Variants in PHYH observed in about 807,000 individuals in gnomAD.
PHYH encodes the protein phytanoyl-CoA 2-hydroxylase, also known as phytanoyl-CoA dioxygenase, peroxisomal.
PHYH carries 32 observed loss-of-function variants against 38.5 expected under a neutral mutation model. The observed-to-expected ratio is 0.83, with a 90% CI of 0.63 to 1.12. The LOEUF is 1.12. Among genes scored for constraint, PHYH ranks in the 50% most tolerant of loss-of-function variants. PHYH has a pLI of 0.00. For missense variants in PHYH, 426 were observed against 434.8 expected (o/e 0.98, Z 0.18); for synonymous variants, 166 against 157.9 (o/e 1.05, Z -0.38).
chr10:13,295,713 A>C (rs997621614), intron 2 of PHYH, 107 bp from the exon 3 acceptor site: 7 of 685,800 alleles, frequency 1.0e-5, no homozygotes, highest in Non-Finnish European at 1.6e-5. Context: ...AGGCAAGTGG[A>C]TCACTTGAGG....
chr10:13,297,439 C>T (rs1292911607), intron 2 of PHYH, among the ~76,000 whole-genome samples: 8 of 148,672 alleles, frequency 5.4e-5, no homozygotes, highest in African/African-American at 2.0e-4. Flanking sequence ...TAACCAAATA[C>T]AAGCTAATTT....
chr10:13,289,456 A>G (rs1443095146), intron 5 of PHYH, among the ~76,000 whole-genome samples: 1 of 151,988 alleles, frequency 6.6e-6, no homozygotes, highest in Non-Finnish European at 1.5e-5. Context: ...CGGCCTCCCA[A>G]AGTGCTGGGA....
At chr10:13,289,381 G>A (rs951972498) in intron 5 of PHYH, among the ~76,000 whole-genome samples, 1 of 151,816 alleles carries the variant, frequency 6.6e-6, no homozygotes, top group Non-Finnish European at 1.5e-5. Context: ...ATTTTTAGTA[G>A]AGACGGGGTT....
At chr10:13,282,818 AC>A (rs1373094356) in intron 7 of PHYH, among the ~76,000 whole-genome samples, 4 of 152,044 alleles carry the variant, frequency 2.6e-5, no homozygotes, top group African/African-American at 9.7e-5. Context: ...TTAAAATGTT[AC>A]TAAACTCGAT....
chr10:13,299,850 G>T lies in PHYH; in HGVS notation c.75+118C>A, dbSNP rs938593173. Reference sequence around the variant, plus strand: ...CAGGCGGGGACGCGGCGCTGAGCGAGGAGGCGCTGGGGCTGCGAAGCGTGC... The same window carrying T: ...CAGGCGGGGACGCGGCGCTGAGCGATGAGGCGCTGGGGCTGCGAAGCGTGC... On this transcript the variant is annotated intron_variant, in intron 1 of 8. Coordinates refer to ENST00000263038, the MANE Select transcript of PHYH (RefSeq NM_006214.4). 7 of 1,331,736 alleles carry T rather than the reference G, an allele frequency of 5.3e-6. No homozygotes were observed. The African/African-American group carries it at 7.8e-5, about 15-fold the overall frequency. The allele number at this position is 1,331,736 out of a possible 1,614,324, so 82.5% of individuals were successfully genotyped here.
At chr10:13,289,258 C>CAT (rs2131641994) in intron 5 of PHYH, among the ~76,000 whole-genome samples, 2 of 152,260 alleles carry the variant, frequency 1.3e-5, no homozygotes, top group East Asian at 3.9e-4. Context: ...TGCAGTGACG[C>CAT]GATCTCGGCT....
chr10:13,298,926 AAT>A lies in PHYH; in HGVS notation c.76-683_76-682del, dbSNP rs1832659101. ...CAGAGCAAGACTCCGTCTCAAAAAT[AAT>A]AATAATAATAATAATAATAATAATA... On this transcript the variant is annotated intron_variant, in intron 1 of 8. Transcript: ENST00000263038. Among the ~76,000 whole-genome samples the A allele has an allele frequency of 5.1e-3, 49 of 9,532 alleles. 2 individuals are homozygous for A. The South Asian group carries it at 0.26, about 51-fold the overall frequency. The allele number at this position is 9,532 out of a possible 152,430, so 6.3% of individuals were successfully genotyped here. A position where few individuals can be genotyped will look rare whatever the true frequency, so the allele number is the denominator to read the frequency against.
At chr10:13,288,652 G>T in intron 5 of PHYH, 111 bp from the exon 6 acceptor site, 2 of 1,042,100 alleles carry the variant, frequency 1.9e-6, no homozygotes, top group Non-Finnish European at 3.0e-6. Context: ...GGAGGCTGAG[G>T]CAGATGGATG....
In PHYH at chr10:13,277,982, ACTT is replaced by A; in HGVS notation, c.*316_*318del. Reference sequence around the variant, plus strand: ...ACATACCCTAAGCTCCAAATCATTCACTTCTTCTTGGGTAAAGAGCTAACTGAA... The same window carrying A: ...ACATACCCTAAGCTCCAAATCATTCACTTCTTGGGTAAAGAGCTAACTGAA... On this transcript the variant is annotated 3_prime_UTR_variant, in exon 9 of 9. Transcript: ENST00000263038. 1 of 363,878 alleles carries A rather than the reference ACTT, an allele frequency of 2.7e-6. No homozygotes were observed. Among genetic ancestry groups the A allele is most frequent in the South Asian group, 2.4e-5 (1 of 41,820 alleles). 22.5% of individuals were successfully genotyped at this position (363,878 alleles called of 1,614,324 possible).
chr10:13,278,848 G>A (rs4750340), intron 8 of PHYH, among the ~76,000 whole-genome samples: 52,909 of 151,954 alleles, frequency 0.35, 11,123 homozygotes, highest in Admixed American at 0.51. Flanking sequence ...CTACTTAACC[G>A]ACTTCTAAAA....
intron 3 of PHYH, chr10:13,295,213 C>T (rs553202652): frequency 4.9e-6 from 2 of 409,300 alleles, no homozygotes; most frequent in Non-Finnish European, 9.0e-6. Context: ...ACTGTGGTCC[C>T]AGCTACTCAG....
chr10:13,280,877 G>A (rs2131630248), intron 8 of PHYH, 99 bp downstream of exon 8: 1 of 1,145,374 alleles, frequency 8.7e-7, no homozygotes, highest in Non-Finnish European at 1.3e-6. Flanking sequence ...CTAAACCCAA[G>A]CACTATATAC....
At position 13,294,522 on chromosome 10, in the gene PHYH, G is replaced by A. The variant is rs1298954728; in HGVS notation, c.320C>T (p.Ser107Leu). ...CTCACTTGGAGCATATTCGGATTTCGAAATGGTCACATCTCTCATTACTGT... is the reference window on the plus strand; with the variant it reads ...CTCACTTGGAGCATATTCGGATTTCAAAATGGTCACATCTCTCATTACTGT... ...GLTVMRDVTISKSEYAPSEKM... is the reference protein window; with the variant it reads ...GLTVMRDVTILKSEYAPSEKM... Residue 107 changes from serine (S) to leucine (L), a missense_variant, in exon 4 of 9, where the codon TCG becomes TTG. By Grantham distance (145) the Ser-to-Leu change is moderately radical. Transcript: ENST00000263038. The A allele has an allele frequency of 2.5e-6, 4 of 1,613,706 alleles. No homozygotes were observed. The highest frequency in any genetic ancestry group is 2.7e-5 in the African/African-American group (2 of 74,892).
At chr10:13,287,242 G>C (rs1040209226) in intron 6 of PHYH, among the ~76,000 whole-genome samples, 1 of 152,070 alleles carries the variant, frequency 6.6e-6, no homozygotes, top group Non-Finnish European at 1.5e-5. Context: ...GGGAGTCTGA[G>C]GCAGGAGAAT....
At chr10:13,290,115 CAAAAAAAAAAAAAAAAA>C (rs1172422242) in intron 5 of PHYH, among the ~76,000 whole-genome samples, 18 of 33,396 alleles carry the variant, frequency 5.4e-4, no homozygotes, top group African/African-American at 2.1e-3. Context: ...CTAAAAATAC[CAAAAAAAAAAAAAAAAA>C]AAAAAAAAAA....
rs1835608606 is a variant in PHYH at position 13,288,394 on chromosome 10, C to T, written c.644G>A (p.Gly215Asp). The change falls in exon 6 of 9, where the codon GGC (glycine) becomes GAC (aspartate). Residue 215 changes from glycine (G) to aspartate (D), a missense_variant. Coordinates refer to ENST00000263038, the MANE Select transcript of PHYH (RefSeq NM_006214.4). The stretch of plus-strand genomic sequence containing the variant: ...GGGGTAATCGTGGGGCTTCAGGGAG[C>T]CCTTGTGTGTGCCTGGGAGCACAAC... ...CLVVLPGTHK[G>D]SLKPHDYPKW... The T allele has an allele frequency of 2.5e-6, 4 of 1,614,110 alleles. No individual in the cohort carries two copies. The East Asian group carries it at 8.9e-5, about 36-fold the overall frequency.
chr10:13,283,173 G>A (rs1835456422), intron 7 of PHYH, among the ~76,000 whole-genome samples: 1 of 136,580 alleles, frequency 7.3e-6, no homozygotes. Flanking sequence ...CTGTCGCCCA[G>A]GCTGGAGTGC....
At chr10:13,290,118 A>G (rs1178940003) in intron 5 of PHYH, among the ~76,000 whole-genome samples, 19 of 40,742 alleles carry the variant, frequency 4.7e-4, no homozygotes, top group Admixed American at 1.2e-3. Flanking sequence ...AAAATACCAA[A>G]AAAAAAAAAA....
At chr10:13,285,337 C>G (rs1835520750) in intron 6 of PHYH, among the ~76,000 whole-genome samples, 2 of 151,986 alleles carry the variant, frequency 1.3e-5, no homozygotes, top group Admixed American at 1.3e-4. Context: ...GCACACACCA[C>G]CATGCCTGGC....
Sources: allele counts gnomAD v4.1 joint callset (sites outside exome capture counted in the v4.1 genomes callset), GRCh38; gene constraint gnomAD v4.1.1; transcripts MANE v1.5; gene names NCBI Gene and HGNC (gene_info 2026-07-23, HGNC 2026-07-21).